PDZRN4: variants seen among roughly 807,000 people sequenced by gnomAD.
PDZRN4 encodes PDZ domain-containing RING finger protein 4.
A neutral mutation model predicts 99.0 loss-of-function variants in PDZRN4; 70 were observed. The ratio of observed to expected loss-of-function variants is 0.71; its 90% confidence interval spans 0.58 to 0.86. PDZRN4 has a LOEUF of 0.86. Ranked by LOEUF, PDZRN4 falls within the 40% of genes least tolerant of loss-of-function variation. The pLI is 0.00. For missense variants in PDZRN4, 1,474 were observed against 1,331.2 expected, an observed-to-expected ratio of 1.11 and a Z score of -1.67; for synonymous variants, 551 against 501.6, an observed-to-expected ratio of 1.10 and a Z score of -1.32.
chr12:41,572,911 A>G lies in PDZRN4; in HGVS notation c.2132A>G (p.Asn711Ser), dbSNP rs1939508738. 6.2e-7 allele frequency: 1 copy of G among 1,614,166 alleles called. No homozygotes were observed. The highest frequency in any genetic ancestry group is 8.5e-7 in the Non-Finnish European group (1 of 1,180,020). The change falls in exon 10 of 10, where the codon AAC becomes AGC. Residue 711 changes from asparagine (N) to serine (S), a missense_variant. Transcript: ENST00000402685. ...CATGATGGAGGATTCCGGAATTATA[A>G]CACCAGCATAGATATGCAAAGGGGA... Reference protein sequence around the residue: ...TLHDGGFRNYNTSIDMQRGKL... With the variant: ...TLHDGGFRNYSTSIDMQRGKL...
Position 41,442,061 on chromosome 12 carries a change from A to G in PDZRN4, c.844-64395A>G, listed in dbSNP as rs113604806. Among the ~76,000 whole-genome samples, 1,125 of 152,250 alleles carry G rather than the reference A, an allele frequency of 7.4e-3. 18 individuals are homozygous for G. The highest frequency in any genetic ancestry group is 0.025 in the African/African-American group (1,023 of 41,550). On this transcript the variant is annotated intron_variant, in intron 3 of 9. Coordinates refer to ENST00000402685, the MANE Select transcript of PDZRN4 (RefSeq NM_001164595.2). The stretch of plus-strand genomic sequence containing the variant: ...TCTAGAAAATGTTTAATGGCTCCCA[A>G]TTACTATAAAATGAAGAAAACATGT...
intron 3 of PDZRN4, among the ~76,000 whole-genome samples, chr12:41,480,455 T>C (rs1937654361): frequency 6.6e-6 from 1 of 152,206 alleles, no homozygotes; most frequent in Non-Finnish European, 1.5e-5. Context: ...AGAGACTGAT[T>C]CTGGGTTGGA....
At chr12:41,492,104 T>C (rs79893517) in intron 3 of PDZRN4, among the ~76,000 whole-genome samples, 1 of 152,162 alleles carries the variant, frequency 6.6e-6, no homozygotes, top group African/African-American at 2.4e-5. Context: ...GTACAACTTC[T>C]AAATCCCACC....
chr12:41,560,895 G>A (rs749499759), intron 7 of PDZRN4, among the ~76,000 whole-genome samples: 22 of 152,094 alleles, frequency 1.4e-4, no homozygotes, highest in Non-Finnish European at 2.5e-4. Context: ...TCTACCAACC[G>A]GTTGGCTAAA....
chr12:41,389,162 A>G (rs945426021), intron 3 of PDZRN4, among the ~76,000 whole-genome samples: 3 of 152,322 alleles, frequency 2.0e-5, no homozygotes, highest in Middle Eastern at 3.4e-3. Flanking sequence ...GACTCCTTTT[A>G]AAATGCTTAG....
At chr12:41,426,946 T>C (rs1952541968) in intron 3 of PDZRN4, among the ~76,000 whole-genome samples, 1 of 152,200 alleles carries the variant, frequency 6.6e-6, no homozygotes, top group Non-Finnish European at 1.5e-5. Context: ...CTTGTGCACT[T>C]GCAACTTGAA....
chr12:41,570,816 T>G (rs1234619638), intron 9 of PDZRN4, among the ~76,000 whole-genome samples: 2 of 152,124 alleles, frequency 1.3e-5, no homozygotes, highest in Admixed American at 1.3e-4. Context: ...TTACTTATTA[T>G]AATTTTTTAA....
chr12:41,410,350 C>T (rs1952386911), intron 3 of PDZRN4, among the ~76,000 whole-genome samples: 1 of 152,176 alleles, frequency 6.6e-6, no homozygotes, highest in South Asian at 2.1e-4. Context: ...TACATACATA[C>T]ATACGTACAC....
chr12:41,214,252 T>TAAAAAAAA (rs60618442), intron 3 of PDZRN4, among the ~76,000 whole-genome samples: 12 of 84,778 alleles, frequency 1.4e-4, no homozygotes, highest in African/African-American at 5.1e-4. Context: ...ACCCTGTATT[T>TAAAAAAAA]AAAAAAAAAA....
intron 3 of PDZRN4, among the ~76,000 whole-genome samples, chr12:41,421,946 C>A (rs570229514): frequency 6.6e-6 from 1 of 152,288 alleles, no homozygotes; most frequent in East Asian, 1.9e-4. Context: ...TGGAGCTCTA[C>A]TGATAATTCT....
intron 3 of PDZRN4, among the ~76,000 whole-genome samples, chr12:41,252,005 A>G (rs1158910436): frequency 6.6e-6 from 1 of 152,092 alleles, no homozygotes; most frequent in Non-Finnish European, 1.5e-5. Flanking sequence ...AGTCCCAGCT[A>G]CTCAGGATAT....
chr12:41,565,906 C>T lies in PDZRN4; in HGVS notation c.1468-1877C>T, dbSNP rs149422798. ...CCTTTGGTGCAGATAGATCCCCACT[C>T]TTAGTAGTAACAATCCCTCTTTTCC... On this transcript the variant is annotated intron_variant, in intron 8 of 9. Coordinates refer to ENST00000402685, the MANE Select transcript of PDZRN4 (RefSeq NM_001164595.2). 1.3e-3 allele frequency among the ~76,000 whole-genome samples: 199 copies of T among 152,268 alleles called. 1 individual carries two copies. The highest frequency in any genetic ancestry group is 4.6e-3 in the African/African-American group (191 of 41,544).
intron 3 of PDZRN4, among the ~76,000 whole-genome samples, chr12:41,309,325 C>T (rs1400938163): frequency 1.3e-5 from 2 of 152,074 alleles, no homozygotes; most frequent in Non-Finnish European, 2.9e-5. Context: ...ATTGAGGGGC[C>T]AGCATCTTGT....
At chr12:41,413,274 T>TA (rs1952413789) in intron 3 of PDZRN4, among the ~76,000 whole-genome samples, 1 of 152,122 alleles carries the variant, frequency 6.6e-6, no homozygotes, top group African/African-American at 2.4e-5. Flanking sequence ...AATAGAAAGT[T>TA]AAAAATCATA....
At chr12:41,220,879 G>A (rs1452945673) in intron 3 of PDZRN4, among the ~76,000 whole-genome samples, 1 of 152,154 alleles carries the variant, frequency 6.6e-6, no homozygotes, top group African/African-American at 2.4e-5. Flanking sequence ...ATACTATAGA[G>A]AAAAGCATCT....
At chr12:41,465,537 T>A (rs913667764) in intron 3 of PDZRN4, among the ~76,000 whole-genome samples, 5 of 152,242 alleles carry the variant, frequency 3.3e-5, no homozygotes, top group African/African-American at 4.8e-5. Flanking sequence ...GAAACAATAG[T>A]AAATGCCCTT....
At chr12:41,473,973 A>G (rs776590226) in intron 3 of PDZRN4, among the ~76,000 whole-genome samples, 1 of 152,236 alleles carries the variant, frequency 6.6e-6, no homozygotes, top group Non-Finnish European at 1.5e-5. Context: ...CACCTGGTAG[A>G]ATTTGGATGA....
chr12:41,237,333 A>G (rs1951074328), intron 3 of PDZRN4, among the ~76,000 whole-genome samples: 1 of 152,068 alleles, frequency 6.6e-6, no homozygotes, highest in African/African-American at 2.4e-5. Flanking sequence ...CATCTGACAA[A>G]ATTAAGGTCA....
intron 3 of PDZRN4, among the ~76,000 whole-genome samples, chr12:41,293,431 C>T (rs921155123): frequency 2.0e-5 from 3 of 151,724 alleles, no homozygotes; most frequent in African/African-American, 7.3e-5. Context: ...CTACTACCTG[C>T]GCTCCTGCTC....
Sources: allele counts gnomAD v4.1 joint callset (sites outside exome capture counted in the v4.1 genomes callset), GRCh38; gene constraint gnomAD v4.1.1; transcripts MANE v1.5; gene names NCBI Gene and HGNC (gene_info 2026-07-23, HGNC 2026-07-21).